The following ANK3 variants were observed in gnomAD, a reference collection of about 807,000 sequenced individuals.
The protein encoded by ANK3 is ankyrin 3.
ANK3 carries 57 observed loss-of-function variants against 370.9 expected under a neutral mutation model. The ratio of observed to expected loss-of-function variants is 0.15; its 90% confidence interval spans 0.12 to 0.19. The LOEUF (loss-of-function observed/expected upper bound fraction) is 0.19. ANK3 is among the 10% of genes least tolerant of loss of function. The pLI is 1.00. For missense variants in ANK3, 4,439 were observed against 5,302.1 expected (o/e 0.84, Z 5.06); for synonymous variants, 1,929 against 1,946.3 (o/e 0.99, Z 0.23).
intron 2 of ANK3, among the ~76,000 whole-genome samples, chr10:60,440,561 A>G (rs566284956): frequency 9.3e-4 from 142 of 152,238 alleles, no homozygotes; most frequent in African/African-American, 2.8e-3. Context: ...CTCACCTCCC[A>G]TCAGGTTTTT....
chr10:60,446,277 T>A (rs2064442815), intron 2 of ANK3, among the ~76,000 whole-genome samples: 1 of 152,194 alleles, frequency 6.6e-6, no homozygotes, highest in Non-Finnish European at 1.5e-5. Context: ...TGGAATGCAC[T>A]CATCCAGAGC....
At chr10:60,656,052 C>T (rs2078859026) in intron 1 of ANK3, among the ~76,000 whole-genome samples, 1 of 152,154 alleles carries the variant, frequency 6.6e-6, no homozygotes, top group African/African-American at 2.4e-5. Context: ...ACAAAATCAC[C>T]TGATGAATTT....
intron 2 of ANK3, among the ~76,000 whole-genome samples, chr10:60,573,354 A>G (rs1468034644): frequency 6.6e-6 from 1 of 152,066 alleles, no homozygotes; most frequent in Non-Finnish European, 1.5e-5. Flanking sequence ...GTTTCCTTCC[A>G]TGAATATACC....
intron 2 of ANK3, among the ~76,000 whole-genome samples, chr10:60,511,044 C>A (rs1331699111): frequency 6.6e-6 from 1 of 152,016 alleles, no homozygotes; most frequent in Non-Finnish European, 1.5e-5. Flanking sequence ...AAATAGCATT[C>A]ATCAGGTCTA....
At chr10:60,601,200 C>T (rs2078058152) in intron 2 of ANK3, among the ~76,000 whole-genome samples, 1 of 151,244 alleles carries the variant, frequency 6.6e-6, no homozygotes, top group Admixed American at 6.6e-5. Context: ...CACACACATA[C>T]CCGCACACAC....
intron 2 of ANK3, among the ~76,000 whole-genome samples, chr10:60,592,244 T>A (rs79937875): frequency 4.8e-4 from 73 of 152,104 alleles, no homozygotes; most frequent in African/African-American, 1.6e-3. Context: ...TTTAAACATT[T>A]AAGAAAAAAA....
intron 28 of ANK3, among the ~76,000 whole-genome samples, chr10:60,098,760 C>T (rs2090628530): frequency 6.6e-6 from 1 of 152,122 alleles, no homozygotes; most frequent in African/African-American, 2.4e-5. Context: ...TAGTGTTTAA[C>T]TCATATTCTT....
chr10:60,040,980 G>A (rs1589133291), intron 43 of ANK3, among the ~76,000 whole-genome samples: 2 of 152,224 alleles, frequency 1.3e-5, no homozygotes, highest in East Asian at 3.8e-4. Context: ...AGGTTCAGCA[G>A]TAGGACATGC....
intron 1 of ANK3, among the ~76,000 whole-genome samples, chr10:60,665,378 T>C (rs2078983687): frequency 6.6e-6 from 1 of 152,226 alleles, no homozygotes; most frequent in African/African-American, 2.4e-5. Context: ...TCATTGTGCC[T>C]GATGAGCACT....
chr10:60,209,998 T>C (rs2096827627), intron 9 of ANK3, among the ~76,000 whole-genome samples: 1 of 152,158 alleles, frequency 6.6e-6, no homozygotes, highest in Admixed American at 6.5e-5. Flanking sequence ...ATATGGTGCC[T>C]GAAAATATGG....
chr10:60,438,225 ATATG>A, intron 2 of ANK3, among the ~76,000 whole-genome samples: 1 of 152,080 alleles, frequency 6.6e-6, no homozygotes, highest in Non-Finnish European at 1.5e-5. Context: ...ATATATATAA[ATATG>A]TATGTATGTA....
chr10:60,600,198 T>C (rs1025217812), intron 2 of ANK3, among the ~76,000 whole-genome samples: 1 of 152,194 alleles, frequency 6.6e-6, no homozygotes, highest in African/African-American at 2.4e-5. Context: ...GAATTTAGGA[T>C]TCTGTACTCA....
In ANK3 at chr10:60,041,995, A is replaced by C. The variant is rs563415247; in HGVS notation, c.*19+677T>G. Among the ~76,000 whole-genome samples, 5 of 152,318 alleles carry C rather than the reference A, an allele frequency of 3.3e-5. No homozygotes were observed. The South Asian group carries it at 1.0e-3, about 32-fold the overall frequency. On this transcript the variant is annotated intron_variant, in intron 43 of 43. Coordinates refer to ENST00000280772, the MANE Select transcript of ANK3 (RefSeq NM_020987.5). ...TTTTGCTTTACTTTACAGACTATAG[A>C]GGACTTTCTTTTTCACCCCATATGG...
intron 23 of ANK3, among the ~76,000 whole-genome samples, chr10:60,161,058 A>C (rs1281997127): frequency 6.6e-6 from 1 of 152,218 alleles, no homozygotes; most frequent in Non-Finnish European, 1.5e-5. Flanking sequence ...GACATGAGAA[A>C]GAAATAAAGG....
At chr10:60,450,387 G>A (rs1013957811) in intron 2 of ANK3, among the ~76,000 whole-genome samples, 3 of 152,096 alleles carry the variant, frequency 2.0e-5, no homozygotes, top group African/African-American at 4.8e-5. Flanking sequence ...GGCTGATTTC[G>A]AGCTGCCAAA....
chr10:60,381,779 A>AT (rs1211208784), intron 1 of ANK3, among the ~76,000 whole-genome samples: 1 of 152,170 alleles, frequency 6.6e-6, no homozygotes, highest in Non-Finnish European at 1.5e-5. Context: ...TAAAGAAAAA[A>AT]TAGTATCCCT....
chr10:60,278,827 C>T lies in ANK3; in HGVS notation c.361G>A (p.Glu121Lys). 6.2e-7 allele frequency: 1 copy of T among 1,613,990 alleles called. No individual in the cohort carries two copies. Among genetic ancestry groups the T allele is most frequent in the Non-Finnish European group, 8.5e-7 (1 of 1,179,936 alleles). The change falls in exon 4 of 44, where the codon GAG becomes AAG. Residue 121 changes from glutamate (E) to lysine (K), a missense_variant. Physicochemically the swap from Glu to Lys is moderately conservative, Grantham distance 56 (BLOSUM62 1). This residue lies in a region of ANK3 where 136 missense variants were observed against 230.5 expected (regional missense o/e 0.59). Transcript: ENST00000280772. Reference protein sequence around the residue: ...LHIASLAGQAEVVKVLVTNGA... With the variant: ...LHIASLAGQAKVVKVLVTNGA... Reference sequence around the variant, plus strand: ...TTTGTAACCAAGACTTTTACCACCTCTGCTTGCCCAGCCAAAGATGCGATG... The same window carrying T: ...TTTGTAACCAAGACTTTTACCACCTTTGCTTGCCCAGCCAAAGATGCGATG...
intron 2 of ANK3, among the ~76,000 whole-genome samples, chr10:60,544,356 AAAG>A (rs924762740): frequency 6.6e-6 from 1 of 152,158 alleles, no homozygotes; most frequent in African/African-American, 2.4e-5. Flanking sequence ...TCTGGGAAGT[AAAG>A]AAGAGTAAAG....
chr10:60,292,779 C>A (rs983258253), intron 1 of ANK3, among the ~76,000 whole-genome samples: 1 of 150,902 alleles, frequency 6.6e-6, no homozygotes, highest in Non-Finnish European at 1.5e-5. Context: ...GCAATCTCAG[C>A]TCACTGCAAC....
Sources: allele counts gnomAD v4.1 joint callset (sites outside exome capture counted in the v4.1 genomes callset), GRCh38; gene constraint gnomAD v4.1.1; regional missense constraint gnomAD v4.1.1; transcripts MANE v1.5; gene names NCBI Gene and HGNC (gene_info 2026-07-23, HGNC 2026-07-21).